PHC2: variants seen among roughly 807,000 people sequenced by gnomAD.
The protein encoded by PHC2 is polyhomeotic-like protein 2.
In PHC2, 29 loss-of-function variants were observed where a neutral mutation model predicts 87.4. That is an observed-to-expected ratio of 0.33 (90% confidence interval 0.25 to 0.45). The LOEUF (loss-of-function observed/expected upper bound fraction) is 0.45, where lower values mean the gene tolerates loss of function less well. PHC2 is among the 20% of genes least tolerant of loss of function. The probability of loss-of-function intolerance (pLI) is 1.00; values close to 1 mark genes in which losing one functional copy is unlikely to be tolerated. For missense variants in PHC2, 857 were observed against 1,136.7 expected (o/e 0.75, Z 3.54); for synonymous variants, 438 against 461.7 (o/e 0.95, Z 0.66).
chr1:33,392,185 ACACATG>A (rs1390301126), intron 1 of PHC2, among the ~76,000 whole-genome samples: 4 of 151,976 alleles, frequency 2.6e-5, no homozygotes, highest in East Asian at 1.9e-4. Context: ...ACACACACAC[ACACATG>A]CACATGCACA....
chr1:33,330,747 G>A (rs113325293), intron 12 of PHC2, among the ~76,000 whole-genome samples: 1,573 of 152,324 alleles, frequency 0.01, 12 homozygotes, highest in Non-Finnish European at 0.016. Context: ...ACCACACATG[G>A]CTTTAGAATT....
At chr1:33,395,775 A>C (rs965272371) in intron 1 of PHC2, among the ~76,000 whole-genome samples, 3 of 152,224 alleles carry the variant, frequency 2.0e-5, no homozygotes, top group Non-Finnish European at 4.4e-5. Flanking sequence ...TTGGGGTAAA[A>C]GACAAATTTC....
chr1:33,352,912 T>C (rs1646999983), intron 9 of PHC2, among the ~76,000 whole-genome samples: 1 of 152,206 alleles, frequency 6.6e-6, no homozygotes, highest in African/African-American at 2.4e-5. Flanking sequence ...ATTCTACTTA[T>C]GTCCTAGGGC....
chr1:33,393,029 G>GAAGC (rs1649135535), intron 1 of PHC2, among the ~76,000 whole-genome samples: 2 of 152,156 alleles, frequency 1.3e-5, no homozygotes, highest in African/African-American at 4.8e-5. Flanking sequence ...CAGGCCATCT[G>GAAGC]ATCCCTTCCC....
intron 1 of PHC2, among the ~76,000 whole-genome samples, chr1:33,425,324 C>T (rs912360865): frequency 2.6e-5 from 4 of 152,144 alleles, no homozygotes; most frequent in Non-Finnish European, 5.9e-5. Context: ...GATATATGAG[C>T]CTATCACAGG....
Position 33,332,513 on chromosome 1 carries a change from C to T in PHC2, c.1762-109G>A, listed in dbSNP as rs1305431382. ...AAAGTATCCAGGCACAGAGGCCAGCCCTCCTCAAACCTTCCCCCATGTCAT... is the reference window on the plus strand; with the variant it reads ...AAAGTATCCAGGCACAGAGGCCAGCTCTCCTCAAACCTTCCCCCATGTCAT... On this transcript the variant is annotated intron_variant, in intron 10 of 14. Coordinates refer to ENST00000683057, the MANE Select transcript of PHC2 (RefSeq NM_001385109.1). This position sits in a 1 kb window ranked among gnomAD's most constrained non-coding sequence, Gnocchi z 4.2. 2 of 1,251,914 alleles carry T rather than the reference C, an allele frequency of 1.6e-6. No homozygotes were observed. Among genetic ancestry groups the T allele is most frequent in the Non-Finnish European group, 2.3e-6 (2 of 875,336 alleles). The allele number at this position is 1,251,914 out of a possible 1,614,324, so 77.6% of individuals were successfully genotyped here. A position where few individuals can be genotyped will look rare whatever the true frequency, so the allele number is the denominator to read the frequency against.
At position 33,427,757 on chromosome 1, in the gene PHC2, G is replaced by A. The variant is rs143851427; in HGVS notation, c.-55+3219C>T. On this transcript the variant is annotated intron_variant, in intron 1 of 14. Coordinates refer to ENST00000683057, the MANE Select transcript of PHC2 (RefSeq NM_001385109.1). Reference sequence around the variant, plus strand: ...ATACTACACTCTCATGGTTAATAGCGTGTCTAACTGGCCTTGGCATCTGTC... The same window carrying A: ...ATACTACACTCTCATGGTTAATAGCATGTCTAACTGGCCTTGGCATCTGTC... Among the ~76,000 whole-genome samples, 105 of 152,256 alleles carry A rather than the reference G, an allele frequency of 6.9e-4. 1 individual carries two copies. The highest frequency in any genetic ancestry group is 2.4e-3 in the African/African-American group (98 of 41,540).
At chr1:33,402,874 G>A (rs974273081) in intron 1 of PHC2, among the ~76,000 whole-genome samples, 1 of 152,080 alleles carries the variant, frequency 6.6e-6, no homozygotes, top group African/African-American at 2.4e-5. Flanking sequence ...GGCCCAGGCT[G>A]GAGTGCAGTG....
At chr1:33,408,591 G>C (rs1266855805) in intron 1 of PHC2, among the ~76,000 whole-genome samples, 1 of 152,112 alleles carries the variant, frequency 6.6e-6, no homozygotes, top group Non-Finnish European at 1.5e-5. Context: ...TTCCTGAGTA[G>C]CTGGGACTAC....
intron 14 of PHC2, chr1:33,325,457 G>A: frequency 1.0e-5 from 2 of 193,764 alleles, no homozygotes; most frequent in South Asian, 8.2e-5. Flanking sequence ...GGCCCTGGTG[G>A]TCCCCGGCCT....
In PHC2 at chr1:33,329,043, A is replaced by G; in HGVS notation, c.2252T>C (p.Leu751Ser). The change falls in exon 14 of 15, where the codon TTG becomes TCG. Residue 751 changes from leucine (L) to serine (S), a missense_variant. Physicochemically the swap from Leu to Ser is moderately radical, Grantham distance 145. Around this residue, in one of 3 missense-constraint regions of PHC2, gnomAD observed 832 missense variants for 1,081.8 expected, o/e 0.77. Transcript: ENST00000683057. ...AGATGAGCTGGCTGAGATGGGTGAC[A>G]AGGGTTCCTCATAGCTTGAGTTATC... ...CSDNSSYEEP[L>S]SPISASSSTS... The G allele has an allele frequency of 6.2e-7, 1 of 1,614,208 alleles. No homozygotes were observed. The highest frequency in any genetic ancestry group is 8.5e-7 in the Non-Finnish European group (1 of 1,180,022).
At chr1:33,379,325 C>CCA (rs1462253654) in intron 1 of PHC2, among the ~76,000 whole-genome samples, 5 of 84,198 alleles carry the variant, frequency 5.9e-5, no homozygotes, top group African/African-American at 2.3e-4. Context: ...CCACTGCCCC[C>CCA]CTGCCCCCCA....
At chr1:33,352,604 A>T (rs1646993994) in intron 9 of PHC2, among the ~76,000 whole-genome samples, 1 of 152,242 alleles carries the variant, frequency 6.6e-6, no homozygotes, top group Admixed American at 6.5e-5. Context: ...TTTGGTTCAA[A>T]CTATAAATTA....
intron 10 of PHC2, 168 bp downstream of exon 10, chr1:33,333,922 G>A (rs1646563955): frequency 4.6e-6 from 3 of 648,428 alleles, no homozygotes; most frequent in Non-Finnish European, 7.9e-6. Flanking sequence ...CTGGACCTTG[G>A]AAAGATAATC....
chr1:33,414,839 A>C (rs897913495), intron 1 of PHC2, among the ~76,000 whole-genome samples: 1 of 152,272 alleles, frequency 6.6e-6, no homozygotes. Context: ...CTTTAAAGAA[A>C]GGAATCTACT....
Position 33,367,378 on chromosome 1 carries a change from C to T in PHC2, c.714G>A (p.Ser238=), listed in dbSNP as rs142225642. The change falls in exon 7 of 15, where the codon TCG becomes TCA. Residue 238 remains serine, a synonymous_variant. Transcript: ENST00000683057. Reference sequence around the variant, plus strand: ...GGACAGGCTGAGTGGGGGTGGGGCCCGAGGCTGCTGCCGCTGGTGTCTGCT... The same window carrying T: ...GGACAGGCTGAGTGGGGGTGGGGCCTGAGGCTGCTGCCGCTGGTGTCTGCT... ...RTQQTPAAAA[S]GPTPTQPVLP... The T allele has an allele frequency of 5.7e-5, 91 of 1,603,832 alleles. No individual in the cohort carries two copies. The highest frequency in any genetic ancestry group is 1.5e-4 in the African/African-American group (11 of 74,726).
In PHC2 at chr1:33,356,249, TTATATA is replaced by T. The variant is rs60725677; in HGVS notation, c.977-1002_977-997del. On this transcript the variant is annotated intron_variant, in intron 7 of 14. Transcript: ENST00000683057. ...GGCTGACTCTTTGAGGTGAAAATTCTTATATATATATATATATATATATATATGTAT... is the reference window on the plus strand; with the variant it reads ...GGCTGACTCTTTGAGGTGAAAATTCTTATATATATATATATATATATGTAT... Among the ~76,000 whole-genome samples the T allele has an allele frequency of 6.8e-3, 688 of 101,338 alleles. 8 individuals carry two copies. The highest frequency in any genetic ancestry group is 0.021 in the Middle Eastern group (4 of 188). 66.5% of individuals were successfully genotyped at this position (101,338 alleles called of 152,430 possible).
Position 33,419,057 on chromosome 1 carries a change from T to C in PHC2, c.-55+11919A>G, listed in dbSNP as rs551308701. Among the ~76,000 whole-genome samples the C allele has an allele frequency of 2.6e-5, 4 of 152,348 alleles. No individual in the cohort carries two copies. In the East Asian group the frequency reaches 7.7e-4, roughly 29 times the overall value. On this transcript the variant is annotated intron_variant, in intron 1 of 14. Transcript: ENST00000683057. Reference sequence around the variant, plus strand: ...TTGGCCAAGTTACCTAACTTCTCTGTGCACTTCCCATTTAAAACAGAACCC... The same window carrying C: ...TTGGCCAAGTTACCTAACTTCTCTGCGCACTTCCCATTTAAAACAGAACCC...
In PHC2 at chr1:33,370,543, G is replaced by A; in HGVS notation, c.454C>T (p.Arg152Trp). Reference sequence around the variant, plus strand: ...GCTGCAGAGTTCACACTCTGGGCCCGGTTGAGGAGCTGGGCTGCTGCTGGG... The same window carrying A: ...GCTGCAGAGTTCACACTCTGGGCCCAGTTGAGGAGCTGGGCTGCTGCTGGG... ...ASPAAAQLLN[R>W]AQSVNSAAAS... Residue 152 changes from arginine (R) to tryptophan (W), a missense_variant, in exon 5 of 15, where the codon CGG becomes TGG. Transcript: ENST00000683057. 2 of 1,613,980 alleles carry A rather than the reference G, an allele frequency of 1.2e-6. No homozygotes were observed. Among genetic ancestry groups the A allele is most frequent in the Non-Finnish European group, 1.7e-6 (2 of 1,179,868 alleles).
Sources: allele counts gnomAD v4.1 joint callset (sites outside exome capture counted in the v4.1 genomes callset), GRCh38; gene constraint gnomAD v4.1.1; regional missense constraint gnomAD v4.1.1; non-coding constraint Gnocchi (gnomAD v3.1); transcripts MANE v1.5; gene names NCBI Gene and HGNC (gene_info 2026-07-23, HGNC 2026-07-21).